The following SYT7 variants were observed in gnomAD, a reference collection of about 807,000 sequenced individuals.
The protein encoded by SYT7 is synaptotagmin-7.
Under a neutral mutation model 75.1 loss-of-function variants are expected in SYT7, and 29 were observed. That is an observed-to-expected ratio of 0.39 (90% CI 0.29 to 0.53). SYT7 has a LOEUF of 0.53. SYT7 is among the 20% of genes least tolerant of loss of function. The pLI, the probability that SYT7 is intolerant of heterozygous loss-of-function variation, is 0.77. For synonymous variants in SYT7, 376 were observed against 401.7 expected, an observed-to-expected ratio of 0.94 and a Z score of 0.76; for missense variants, 693 against 953.2, an observed-to-expected ratio of 0.73 and a Z score of 3.59.
rs986196134 is a variant in SYT7 at position 61,551,673 on chromosome 11, A to G, written c.136-210T>C. Among the ~76,000 whole-genome samples the G allele has an allele frequency of 3.3e-5, 5 of 152,110 alleles. No individual in the cohort carries two copies. Among genetic ancestry groups the G allele is most frequent in the African/African-American group, 1.2e-4 (5 of 41,404 alleles). ...CAGCTCCTGGGCCCCATCGGGCTCT[A>G]GGACCTGCCCCACCCACCTCGACCC... On this transcript the variant is annotated intron_variant, in intron 2 of 12. Coordinates refer to ENST00000539008, the MANE Select transcript of SYT7 (RefSeq NM_001365809.2). The surrounding 1 kb of genome is among the most constrained non-coding windows in gnomAD (Gnocchi z 5.3).
In SYT7 at chr11:61,546,317, G is replaced by T; in HGVS notation, c.348-62C>A. Reference sequence around the variant, plus strand: ...ACCGGGGGTGGCGGTGGGGGAGAGAGGGCAGGCCATACGTGGGGGTCGGGG... The same window carrying T: ...ACCGGGGGTGGCGGTGGGGGAGAGATGGCAGGCCATACGTGGGGGTCGGGG... On this transcript the variant is annotated intron_variant, in intron 4 of 12. Coordinates refer to ENST00000539008, the MANE Select transcript of SYT7 (RefSeq NM_001365809.2). This position sits in a 1 kb window ranked among gnomAD's most constrained non-coding sequence, Gnocchi z 7.6. 8.2e-7 allele frequency: 1 copy of T among 1,216,408 alleles called. No individual in the cohort carries two copies. The highest frequency in any genetic ancestry group is 1.1e-6 in the Non-Finnish European group (1 of 915,398). The allele number at this position is 1,216,408 out of a possible 1,614,324, so 75.4% of individuals were successfully genotyped here.
At chr11:61,539,233 G>A (rs1468201414) in intron 6 of SYT7, among the ~76,000 whole-genome samples, 3 of 152,180 alleles carry the variant, frequency 2.0e-5, no homozygotes, top group Non-Finnish European at 4.4e-5. Flanking sequence ...GAACGGGGAG[G>A]GGGTAGGCAA....
chr11:61,532,881 G>C (rs889150892), intron 8 of SYT7, 108 bp downstream of exon 8: 10 of 1,480,078 alleles, frequency 6.8e-6, no homozygotes, highest in African/African-American at 4.2e-5. Context: ...CCAGTTCCCT[G>C]CCTGGCCACT....
chr11:61,543,491 T>C (rs1477140227), intron 5 of SYT7, among the ~76,000 whole-genome samples: 1 of 152,242 alleles, frequency 6.6e-6, no homozygotes, highest in African/African-American at 2.4e-5. Context: ...GCTGGTCAGA[T>C]GCAGTATAGC....
intron 1 of SYT7, among the ~76,000 whole-genome samples, chr11:61,562,131 T>C (rs2063655063): frequency 6.6e-6 from 1 of 152,162 alleles, no homozygotes; most frequent in Non-Finnish European, 1.5e-5. Context: ...TGCTCAACTT[T>C]GCCTGACAAA....
At chr11:61,535,821 C>G (rs1217577138) in intron 7 of SYT7, among the ~76,000 whole-genome samples, 1 of 152,164 alleles carries the variant, frequency 6.6e-6, no homozygotes, top group East Asian at 1.9e-4. Flanking sequence ...CCAGAGACAT[C>G]TGGTCAAGGG....
chr11:61,575,970 C>T (rs769400954), intron 1 of SYT7, among the ~76,000 whole-genome samples: 37 of 152,208 alleles, frequency 2.4e-4, no homozygotes, highest in Non-Finnish European at 4.6e-4. Flanking sequence ...TTCCAGCTCA[C>T]AATACCTCAG....
rs1590973635 is a variant in SYT7, at chr11:61,581,003, C to G, written c.-183G>C. ...GGGGCCGCCCGCCAGCCCTCCCGCC[C>G]GCCCGCGGAGCACGCTGCCGCCGCC... On this transcript the variant is annotated 5_prime_UTR_variant, in exon 1 of 13. Coordinates refer to ENST00000539008, the MANE Select transcript of SYT7 (RefSeq NM_001365809.2). 1.0e-6 allele frequency: 1 copy of G among 959,058 alleles called. No individual in the cohort carries two copies. The highest frequency in any genetic ancestry group is 6.4e-5 in the Admixed American group (1 of 15,716). 59.4% of individuals were successfully genotyped at this position (959,058 alleles called of 1,614,324 possible).
chr11:61,570,300 G>A (rs772093467), intron 1 of SYT7, among the ~76,000 whole-genome samples: 1 of 152,200 alleles, frequency 6.6e-6, no homozygotes, highest in Non-Finnish European at 1.5e-5. Context: ...GGAGTGTGGG[G>A]TGGCAGGCAG....
At chr11:61,535,729 T>C (rs554863678) in intron 7 of SYT7, among the ~76,000 whole-genome samples, 1 of 152,308 alleles carries the variant, frequency 6.6e-6, no homozygotes, top group South Asian at 2.1e-4. Context: ...CCCGGGACGC[T>C]GTCTCCCATG....
Position 61,551,557 on chromosome 11 carries a change from G to A in SYT7, c.136-94C>T. 2.3e-6 allele frequency: 3 copies of A among 1,317,890 alleles called. No homozygotes were observed. The highest frequency in any genetic ancestry group is 3.2e-6 in the Non-Finnish European group (3 of 929,826). The allele number at this position is 1,317,890 out of a possible 1,614,324, so 81.6% of individuals were successfully genotyped here. A position where few individuals can be genotyped will look rare whatever the true frequency, so the allele number is the denominator to read the frequency against. ...GACCCGGAGGGGAAGGAGATAGACTGGAGTCGGGCCGTGGCAACAAGGCCA... is the reference window on the plus strand; with the variant it reads ...GACCCGGAGGGGAAGGAGATAGACTAGAGTCGGGCCGTGGCAACAAGGCCA... On this transcript the variant is annotated intron_variant, in intron 2 of 12. Coordinates refer to ENST00000539008, the MANE Select transcript of SYT7 (RefSeq NM_001365809.2). The surrounding 1 kb of genome is among the most constrained non-coding windows in gnomAD (Gnocchi z 5.3).
In SYT7 at chr11:61,518,169, G is replaced by A. The variant is rs117566820; in HGVS notation, c.*458C>T. On this transcript the variant is annotated 3_prime_UTR_variant, in exon 13 of 13. Transcript: ENST00000539008. ...AGCCGGCACCTGAAACTGCCCTGGG[G>A]ATGGGCCTCTCCTGGCCAGGCCGGG... 6.8e-3 allele frequency: 1,098 copies of A among 160,492 alleles called. 5 individuals are homozygous for A. Among genetic ancestry groups the A allele is most frequent in the Non-Finnish European group, 0.01 (754 of 73,616 alleles). The allele number at this position is 160,492 out of a possible 1,614,324, so 9.9% of individuals were successfully genotyped here.
intron 7 of SYT7, among the ~76,000 whole-genome samples, chr11:61,535,021 C>T (rs961849123): frequency 5.3e-5 from 8 of 152,198 alleles, no homozygotes; most frequent in African/African-American, 9.7e-5. Context: ...CACGCTGCAG[C>T]GTCGGCACAG....
chr11:61,579,791 T>C (rs1194520218), intron 1 of SYT7, among the ~76,000 whole-genome samples: 1 of 151,682 alleles, frequency 6.6e-6, no homozygotes, highest in Non-Finnish European at 1.5e-5. Flanking sequence ...GGCTGGGGAG[T>C]CGTGCTTTTA....
At chr11:61,578,223 G>A (rs2064139188) in intron 1 of SYT7, among the ~76,000 whole-genome samples, 1 of 152,202 alleles carries the variant, frequency 6.6e-6, no homozygotes, top group African/African-American at 2.4e-5. Flanking sequence ...TGAGGCCCAA[G>A]TAGGGAGAGA....
chr11:61,561,067 C>T (rs1228059943), intron 1 of SYT7, among the ~76,000 whole-genome samples: 1 of 152,146 alleles, frequency 6.6e-6, no homozygotes, highest in Non-Finnish European at 1.5e-5. Context: ...GCAAAGCCGC[C>T]CCAGCCCTCT....
At chr11:61,540,729 T>C in intron 6 of SYT7, 1 of 985,500 alleles carries the variant, frequency 1.0e-6, no homozygotes, top group South Asian at 4.7e-5. Flanking sequence ...ACAGCTGTGA[T>C]AAGACAGTCT....
At position 61,542,503 on chromosome 11, in the gene SYT7, G is replaced by C; in HGVS notation, c.649C>G (p.Arg217Gly). The change falls in exon 6 of 13, where the codon CGA becomes GGA. Residue 217 changes from arginine (R) to glycine (G), a missense_variant. Coordinates refer to ENST00000539008, the MANE Select transcript of SYT7 (RefSeq NM_001365809.2). The surrounding 1 kb of genome is among the most constrained non-coding windows in gnomAD (Gnocchi z 7.8). ...TGCTGCCGCATCAGGGTGCGGGGTC[G>C]CTGGCATTTCGGCTCTCCCGTGGAG... ...PSSTGEPKCQ[R>G]PRTLMRQQSL... 1 of 1,532,270 alleles carries C rather than the reference G, an allele frequency of 6.5e-7. No homozygotes were observed. Among genetic ancestry groups the C allele is most frequent in the South Asian group, 1.2e-5 (1 of 83,802 alleles). The allele number at this position is 1,532,270 out of a possible 1,614,324, so 94.9% of individuals were successfully genotyped here. A position where few individuals can be genotyped will look rare whatever the true frequency, so the allele number is the denominator to read the frequency against.
chr11:61,527,395 C>T (rs1026325908), intron 9 of SYT7, among the ~76,000 whole-genome samples: 1 of 152,176 alleles, frequency 6.6e-6, no homozygotes, highest in East Asian at 1.9e-4. Flanking sequence ...GGAACTTGCC[C>T]AAGGTCACGC....
Sources: allele counts gnomAD v4.1 joint callset (sites outside exome capture counted in the v4.1 genomes callset), GRCh38; gene constraint gnomAD v4.1.1; non-coding constraint Gnocchi (gnomAD v3.1); transcripts MANE v1.5; gene names NCBI Gene and HGNC (gene_info 2026-07-23, HGNC 2026-07-21).